Variants in WWOX observed in about 807,000 individuals in gnomAD.
WWOX encodes the protein WW domain-containing oxidoreductase.
WWOX carries 69 observed loss-of-function variants against 46.2 expected under a neutral mutation model. The observed-to-expected ratio is 1.49, with a 90% CI of 1.23 to 1.82. The LOEUF is 1.82. WWOX is among the 40% of genes most tolerant of loss of function. WWOX has a pLI of 0.00. For synonymous variants in WWOX, 359 were observed against 202.6 expected, an observed-to-expected ratio of 1.77 and a Z score of -6.56; for missense variants, 919 against 542.6, an observed-to-expected ratio of 1.69 and a Z score of -6.89.
chr16:78,196,414 C>G (rs2036054286), intron 5 of WWOX, among the ~76,000 whole-genome samples: 1 of 152,130 alleles, frequency 6.6e-6, no homozygotes, highest in South Asian at 2.1e-4. Flanking sequence ...ACTCTTTAAC[C>G]AAGGCTCCTT....
intron 4 of WWOX, among the ~76,000 whole-genome samples, chr16:78,138,523 A>C (rs1750221487): frequency 6.6e-6 from 1 of 152,224 alleles, no homozygotes; most frequent in South Asian, 2.1e-4. Flanking sequence ...ATGAGAGAAT[A>C]GGGAAAATTA....
intron 8 of WWOX, among the ~76,000 whole-genome samples, chr16:78,539,987 CTCTCTCTCTT>C: frequency 1.4e-5 from 2 of 144,448 alleles, no homozygotes; most frequent in Middle Eastern, 7.0e-3. Context: ...CAATACATCT[CTCTCTCTCTT>C]TCTCTCTCTC....
At chr16:78,913,965 C>G (rs1198166789) in intron 8 of WWOX, among the ~76,000 whole-genome samples, 1 of 151,936 alleles carries the variant, frequency 6.6e-6, no homozygotes, top group Non-Finnish European at 1.5e-5. Flanking sequence ...GTGGCCCATA[C>G]TGCTATTCCA....
chr16:78,532,226 T>C, intron 8 of WWOX, among the ~76,000 whole-genome samples: 1 of 152,188 alleles, frequency 6.6e-6, no homozygotes, highest in Non-Finnish European at 1.5e-5. Flanking sequence ...TTGGTATCAC[T>C]TTAAAATGAA....
intron 8 of WWOX, among the ~76,000 whole-genome samples, chr16:78,705,967 G>T (rs566343901): frequency 6.6e-6 from 1 of 151,734 alleles, no homozygotes; most frequent in East Asian, 1.9e-4. Flanking sequence ...TTTAGATGCT[G>T]TGCGTACAGC....
intron 8 of WWOX, among the ~76,000 whole-genome samples, chr16:79,196,708 C>A (rs1483032538): frequency 1.3e-5 from 2 of 152,072 alleles, no homozygotes; most frequent in Non-Finnish European, 2.9e-5. Flanking sequence ...CCTGTCTCCC[C>A]CAATGAGAGA....
At chr16:79,014,009 G>A (rs2047364428) in intron 8 of WWOX, among the ~76,000 whole-genome samples, 1 of 152,180 alleles carries the variant, frequency 6.6e-6, no homozygotes, top group African/African-American at 2.4e-5. Context: ...CAGTTGGCAT[G>A]CGATATGCTT....
intron 8 of WWOX, among the ~76,000 whole-genome samples, chr16:78,649,110 A>G (rs187826735): frequency 6.6e-6 from 1 of 152,034 alleles, no homozygotes; most frequent in African/African-American, 2.4e-5. Context: ...AGTAGCTGAG[A>G]TTACAGGCGC....
At chr16:78,569,426 T>C (rs2151570910) in intron 8 of WWOX, among the ~76,000 whole-genome samples, 1 of 152,376 alleles carries the variant, frequency 6.6e-6, no homozygotes, top group African/African-American at 2.4e-5. Context: ...TCAAGTCATT[T>C]AATTTATCAT....
chr16:78,862,746 G>A (rs2043918320), intron 8 of WWOX, among the ~76,000 whole-genome samples: 1 of 152,040 alleles, frequency 6.6e-6, no homozygotes, highest in African/African-American at 2.4e-5. Context: ...TTCTCACTCA[G>A]CCTTTTATTT....
intron 8 of WWOX, among the ~76,000 whole-genome samples, chr16:78,549,281 A>T (rs1377248301): frequency 1.3e-5 from 2 of 152,236 alleles, no homozygotes; most frequent in Non-Finnish European, 2.9e-5. Context: ...TCTCAGATAT[A>T]TAAAGCTTAT....
intron 8 of WWOX, among the ~76,000 whole-genome samples, chr16:78,839,759 A>C (rs868339385): frequency 6.6e-6 from 1 of 152,010 alleles, no homozygotes. Flanking sequence ...TGGTGATGCT[A>C]AATTGGGACT....
intron 8 of WWOX, among the ~76,000 whole-genome samples, chr16:79,125,513 T>TGATAGACATTTCAAC (rs2049733385): frequency 6.6e-6 from 1 of 152,206 alleles, no homozygotes. Context: ...CAGGCTCAAA[T>TGATAGACATTTCAAC]GATAGACATT....
chr16:78,721,486 A>G (rs2048688382), intron 8 of WWOX, among the ~76,000 whole-genome samples: 1 of 152,188 alleles, frequency 6.6e-6, no homozygotes, highest in Non-Finnish European at 1.5e-5. Flanking sequence ...CATCAGACAG[A>G]AACTCTATTG....
intron 8 of WWOX, among the ~76,000 whole-genome samples, chr16:78,850,954 A>T (rs889994555): frequency 2.0e-5 from 3 of 152,286 alleles, no homozygotes; most frequent in South Asian, 4.1e-4. Flanking sequence ...GAGTGTGCCA[A>T]CACCTCTCTC....
intron 8 of WWOX, among the ~76,000 whole-genome samples, chr16:78,670,437 A>T (rs1305184194): frequency 6.6e-6 from 1 of 152,090 alleles, no homozygotes; most frequent in African/African-American, 2.4e-5. Context: ...ACGTTATGAG[A>T]ACTATTAGGG....
intron 8 of WWOX, among the ~76,000 whole-genome samples, chr16:78,667,922 C>G (rs561937940): frequency 9.8e-4 from 149 of 152,188 alleles, no homozygotes; most frequent in African/African-American, 3.3e-3. Flanking sequence ...GCCCTCTGCC[C>G]CGTCACATCA....
At chr16:78,893,528 C>A (rs2044636279) in intron 8 of WWOX, among the ~76,000 whole-genome samples, 1 of 152,188 alleles carries the variant, frequency 6.6e-6, no homozygotes, top group Admixed American at 6.5e-5. Context: ...AAGACACTTC[C>A]TCCTCCACCC....
chr16:79,188,208 G>A (rs1279418404), intron 8 of WWOX, among the ~76,000 whole-genome samples: 2 of 152,168 alleles, frequency 1.3e-5, no homozygotes, highest in African/African-American at 4.8e-5. Flanking sequence ...GGTGGGAGGC[G>A]GTAGTGGTGC....
Sources: gnomAD v4.1 joint callset for allele counts (sites outside exome capture counted in the v4.1 genomes callset) on GRCh38, gnomAD v4.1.1 for gene constraint, MANE v1.5 for transcripts, NCBI Gene and HGNC (gene_info 2026-07-23, HGNC 2026-07-21) for gene names.